ROBO1: variants seen among roughly 807,000 people sequenced by gnomAD.
The protein encoded by ROBO1 is roundabout guidance receptor 1, also known as roundabout homolog 1.
ROBO1 carries 149 observed loss-of-function variants against 195.9 expected under a neutral mutation model. The observed-to-expected ratio is 0.76, with a 90% CI of 0.67 to 0.87. The LOEUF is 0.87. Among genes scored for constraint, ROBO1 ranks in the 40% least tolerant of loss-of-function variants. ROBO1 has a pLI of 0.00. For synonymous variants in ROBO1, 816 were observed against 733.2 expected (o/e 1.11, Z -1.82); for missense variants, 1,933 against 2,068.3 (o/e 0.93, Z 1.27).
chr3:78,685,121 A>C (rs1350219019), intron 10 of ROBO1, among the ~76,000 whole-genome samples: 1 of 152,102 alleles, frequency 6.6e-6, no homozygotes, highest in East Asian at 1.9e-4. Context: ...TATGTATATG[A>C]AATAAGATAT....
At chr3:79,162,898 T>G (rs539561469) in intron 2 of ROBO1, among the ~76,000 whole-genome samples, 1 of 152,260 alleles carries the variant, frequency 6.6e-6, no homozygotes, top group East Asian at 1.9e-4. Flanking sequence ...CCTCAGTTCC[T>G]GGAATGAACT....
intron 2 of ROBO1, among the ~76,000 whole-genome samples, chr3:79,491,634 G>A (rs4263255): frequency 0.73 from 111,741 of 152,070 alleles, 41,839 homozygotes; most frequent in African/African-American, 0.89. Flanking sequence ...CTTCTAGAGT[G>A]AAAGAATTCT....
intron 4 of ROBO1, among the ~76,000 whole-genome samples, chr3:78,770,065 C>T (rs2083332810): frequency 6.6e-6 from 1 of 152,080 alleles, no homozygotes; most frequent in South Asian, 2.1e-4. Context: ...AGGTGAAGAT[C>T]ATTTTGTGAT....
At chr3:78,675,488 T>G (rs1212245440) in intron 10 of ROBO1, among the ~76,000 whole-genome samples, 1 of 152,174 alleles carries the variant, frequency 6.6e-6, no homozygotes, top group African/African-American at 2.4e-5. Context: ...TCCAATGGGC[T>G]TAAAAAACGG....
intron 15 of ROBO1, 113 bp from the exon 16 acceptor site, chr3:78,661,374 C>T: frequency 1.8e-6 from 1 of 554,210 alleles, no homozygotes; most frequent in Non-Finnish European, 2.9e-6. Context: ...CTTCATCCCA[C>T]ATTCTTACAC....
chr3:79,039,367 G>A (rs561782609), intron 3 of ROBO1, among the ~76,000 whole-genome samples: 17 of 152,252 alleles, frequency 1.1e-4, no homozygotes, highest in South Asian at 4.1e-4. Context: ...AAAGTGTTAC[G>A]TAATTTTAGA....
intron 3 of ROBO1, among the ~76,000 whole-genome samples, chr3:79,028,216 C>T (rs2078235746): frequency 6.6e-6 from 1 of 151,858 alleles, no homozygotes; most frequent in South Asian, 2.1e-4. Flanking sequence ...AAAAATATTC[C>T]AATAATTCTC....
rs527499565 is a variant in ROBO1, at chr3:78,638,783, A to T, written c.3037+961T>A. ...CAGCTACTTGGGAGGCTGAGGTGAGAGGATTAGTTGAGCCCAGGAGGTGGA... is the reference window on the plus strand; with the variant it reads ...CAGCTACTTGGGAGGCTGAGGTGAGTGGATTAGTTGAGCCCAGGAGGTGGA... On this transcript the variant is annotated intron_variant, in intron 22 of 30. Coordinates refer to ENST00000464233, the MANE Select transcript of ROBO1 (RefSeq NM_002941.4). Among the ~76,000 whole-genome samples the T allele has an allele frequency of 1.2e-4, 19 of 152,214 alleles. No individual in the cohort carries two copies. The East Asian group carries it at 3.7e-3, about 29-fold the overall frequency.
At chr3:79,188,019 T>C (rs887689617) in intron 2 of ROBO1, among the ~76,000 whole-genome samples, 1 of 151,932 alleles carries the variant, frequency 6.6e-6, no homozygotes, top group African/African-American at 2.4e-5. Context: ...ATTTCTCTGA[T>C]AAAAACAAAA....
intron 3 of ROBO1, among the ~76,000 whole-genome samples, chr3:79,097,300 G>A (rs1274748318): frequency 1.3e-5 from 2 of 151,742 alleles, no homozygotes; most frequent in Non-Finnish European, 2.9e-5. Flanking sequence ...TAAATTATAG[G>A]CATTATCTGA....
At chr3:79,573,212 A>G (rs899972426) in intron 2 of ROBO1, among the ~76,000 whole-genome samples, 1 of 152,042 alleles carries the variant, frequency 6.6e-6, no homozygotes, top group African/African-American at 2.4e-5. Flanking sequence ...CCATGGCTGG[A>G]AAATTTTTAA....
chr3:79,756,860 C>T (rs1393195810), intron 1 of ROBO1, among the ~76,000 whole-genome samples: 1 of 152,152 alleles, frequency 6.6e-6, no homozygotes, highest in Non-Finnish European at 1.5e-5. Context: ...CTTTGTATCT[C>T]TGTGACTTTG....
intron 1 of ROBO1, among the ~76,000 whole-genome samples, chr3:79,717,257 G>GT (rs969574582): frequency 9.9e-5 from 15 of 151,534 alleles, no homozygotes; most frequent in African/African-American, 3.4e-4. Flanking sequence ...TAATTTACCT[G>GT]TTTTTCTTTC....
intron 2 of ROBO1, among the ~76,000 whole-genome samples, chr3:79,225,384 T>TA (rs1010296570): frequency 7.2e-5 from 11 of 152,256 alleles, no homozygotes; most frequent in African/African-American, 2.2e-4. Context: ...TGGAAAATTT[T>TA]AAAAAAATAT....
chr3:79,190,929 A>G (rs1434536549), intron 2 of ROBO1, among the ~76,000 whole-genome samples: 3 of 151,628 alleles, frequency 2.0e-5, no homozygotes, highest in Non-Finnish European at 4.4e-5. Context: ...AGAGATACAT[A>G]TAAATATATT....
intron 2 of ROBO1, among the ~76,000 whole-genome samples, chr3:79,500,321 G>T (rs575640437): frequency 6.6e-6 from 1 of 151,872 alleles, no homozygotes; most frequent in African/African-American, 2.4e-5. Flanking sequence ...GTAGAGACAG[G>T]GTTTCACCAT....
chr3:78,645,957 T>C (rs990133246), intron 21 of ROBO1, among the ~76,000 whole-genome samples, 191 bp downstream of exon 21: 1 of 152,096 alleles, frequency 6.6e-6, no homozygotes, highest in African/African-American at 2.4e-5. Flanking sequence ...AAGATGCAAC[T>C]ACTCCAATCA....
chr3:78,779,076 C>A (rs2083592183), intron 4 of ROBO1, among the ~76,000 whole-genome samples: 1 of 152,010 alleles, frequency 6.6e-6, no homozygotes, highest in South Asian at 2.1e-4. Context: ...AAACTGGACC[C>A]CTTCCTTACA....
chr3:79,441,724 C>T (rs747255483), intron 2 of ROBO1, among the ~76,000 whole-genome samples: 1 of 151,888 alleles, frequency 6.6e-6, no homozygotes, highest in African/African-American at 2.4e-5. Flanking sequence ...AGGAAAAAAA[C>T]GAATCTCATT....
Sources: allele counts gnomAD v4.1 joint callset (sites outside exome capture counted in the v4.1 genomes callset), GRCh38; gene constraint gnomAD v4.1.1; transcripts MANE v1.5; gene names NCBI Gene and HGNC (gene_info 2026-07-23, HGNC 2026-07-21).